Variants in CHN2 observed in about 807,000 individuals in gnomAD.
CHN2 encodes the protein beta-chimaerin.
Under a neutral mutation model 56.3 loss-of-function variants are expected in CHN2, and 35 were observed. The observed-to-expected ratio is 0.62, with a 90% CI of 0.47 to 0.82. CHN2 has a LOEUF of 0.82. Ranked by LOEUF, CHN2 falls within the 40% of genes least tolerant of loss-of-function variation. The pLI is 0.00. For synonymous variants in CHN2, 210 were observed against 212.8 expected (o/e 0.99, Z 0.12); for missense variants, 491 against 580.5 (o/e 0.85, Z 1.58).
chr7:29,182,273 G>A (rs1205190073), intron 2 of CHN2, among the ~76,000 whole-genome samples: 6 of 152,240 alleles, frequency 3.9e-5, no homozygotes, highest in African/African-American at 1.4e-4. Flanking sequence ...GGTTAGCAGT[G>A]GTGGAATCTT....
intron 1 of CHN2, among the ~76,000 whole-genome samples, chr7:29,351,720 C>T (rs964898085): frequency 3.9e-5 from 6 of 152,182 alleles, no homozygotes; most frequent in African/African-American, 9.6e-5. Flanking sequence ...GAGAGAAAGC[C>T]AGTGTAGTTG....
At chr7:29,250,074 A>G (rs1342850733) in intron 1 of CHN2, among the ~76,000 whole-genome samples, 1 of 152,188 alleles carries the variant, frequency 6.6e-6, no homozygotes, top group African/African-American at 2.4e-5. Flanking sequence ...ATCTGCAACT[A>G]TGTTGTCTGT....
chr7:29,219,776 T>C (rs1486425867), intron 1 of CHN2, among the ~76,000 whole-genome samples: 2 of 152,168 alleles, frequency 1.3e-5, no homozygotes, highest in Non-Finnish European at 2.9e-5. Flanking sequence ...GGGATATTTG[T>C]TAATGATAAA....
At chr7:29,394,487 C>G (rs963104212) in intron 4 of CHN2, among the ~76,000 whole-genome samples, 1 of 152,310 alleles carries the variant, frequency 6.6e-6, no homozygotes, top group South Asian at 2.1e-4. Context: ...CTCTTATTCC[C>G]TTACCCGTCA....
At chr7:29,400,948 C>G (rs1488191821) in intron 6 of CHN2, 120 bp downstream of exon 6, 2 of 1,004,208 alleles carry the variant, frequency 2.0e-6, no homozygotes, top group Non-Finnish European at 2.9e-6. Flanking sequence ...CCGAAGAACT[C>G]TAGAATGTTA....
chr7:29,328,614 C>T (rs936294250), intron 1 of CHN2, among the ~76,000 whole-genome samples: 2 of 151,288 alleles, frequency 1.3e-5, no homozygotes, highest in Non-Finnish European at 1.5e-5. Flanking sequence ...AGGAAAAAAA[C>T]CTTCACTCTT....
intron 1 of CHN2, among the ~76,000 whole-genome samples, chr7:29,211,489 C>G (rs904786114): frequency 1.3e-5 from 2 of 150,074 alleles, no homozygotes; most frequent in African/African-American, 5.0e-5. Flanking sequence ...CACACACACA[C>G]ACACAGAAAC....
At chr7:29,223,869 TC>T (rs1435855566) in intron 1 of CHN2, among the ~76,000 whole-genome samples, 1 of 152,182 alleles carries the variant, frequency 6.6e-6, no homozygotes, top group African/African-American at 2.4e-5. Context: ...AGTTTGCCCT[TC>T]CACCAGCAGT....
intron 1 of CHN2, among the ~76,000 whole-genome samples, chr7:29,213,757 C>A (rs1454861068): frequency 6.6e-6 from 1 of 152,080 alleles, no homozygotes; most frequent in Non-Finnish European, 1.5e-5. Context: ...CTTGTATTTA[C>A]TGCATCATGA....
intron 12 of CHN2, 40 bp downstream of exon 12, chr7:29,509,446 A>G: frequency 6.6e-7 from 1 of 1,512,840 alleles, no homozygotes; most frequent in Non-Finnish European, 9.2e-7. Flanking sequence ...CTCTGCTCCT[A>G]GAGCGGTTAA....
chr7:29,283,906 C>T (rs59639215), intron 1 of CHN2, among the ~76,000 whole-genome samples: 42,267 of 145,296 alleles, frequency 0.29, 6,298 homozygotes, highest in Middle Eastern at 0.43. Context: ...CAGGAGCCAC[C>T]GTTCCCAGCC....
At chr7:29,151,161 C>T (rs1290822623) in intron 2 of CHN2, among the ~76,000 whole-genome samples, 1 of 152,178 alleles carries the variant, frequency 6.6e-6, no homozygotes, top group Non-Finnish European at 1.5e-5. Flanking sequence ...TAAGACTAGC[C>T]ACAGGCTACA....
At chr7:29,488,805 C>T (rs1355247910) in intron 7 of CHN2, among the ~76,000 whole-genome samples, 1 of 152,084 alleles carries the variant, frequency 6.6e-6, no homozygotes, top group Non-Finnish European at 1.5e-5. Context: ...GCCAAACATC[C>T]CACAATGTAC....
At chr7:29,439,011 A>G (rs1286005463) in intron 6 of CHN2, among the ~76,000 whole-genome samples, 2 of 152,202 alleles carry the variant, frequency 1.3e-5, no homozygotes, top group African/African-American at 4.8e-5. Context: ...CCTCATATCT[A>G]TCAGAGGGCT....
At chr7:29,184,526 A>G (rs1432470349) in intron 2 of CHN2, 2 of 152,172 alleles carry the variant, frequency 1.3e-5, no homozygotes, top group African/African-American at 2.4e-5. Context: ...AACCCCAGGA[A>G]GAGCCAATGT....
intron 1 of CHN2, among the ~76,000 whole-genome samples, chr7:29,263,734 TG>T (rs1789797908): frequency 6.7e-6 from 1 of 148,644 alleles, no homozygotes; most frequent in African/African-American, 2.5e-5. Flanking sequence ...ATCTGGGATG[TG>T]GGGAGCGCCT....
intron 2 of CHN2, among the ~76,000 whole-genome samples, chr7:29,188,910 T>C (rs1408697676): frequency 3.3e-5 from 5 of 151,716 alleles, no homozygotes; most frequent in African/African-American, 9.7e-5. Context: ...GGTTGTTTTG[T>C]AGGATCCCCC....
intron 6 of CHN2, among the ~76,000 whole-genome samples, chr7:29,424,795 G>A (rs1304908049): frequency 6.6e-6 from 1 of 152,110 alleles, no homozygotes. Context: ...CCTTCAGATG[G>A]GGCAGGTGCT....
chr7:29,337,048 T>C (rs1796681391), intron 1 of CHN2, among the ~76,000 whole-genome samples: 1 of 152,116 alleles, frequency 6.6e-6, no homozygotes, highest in South Asian at 2.1e-4. Flanking sequence ...CTCTGCTTGC[T>C]TCCCCTCTAG....
Sources: gnomAD v4.1 joint callset for allele counts (sites outside exome capture counted in the v4.1 genomes callset) on GRCh38, gnomAD v4.1.1 for gene constraint, MANE v1.5 for transcripts, NCBI Gene and HGNC (gene_info 2026-07-23, HGNC 2026-07-21) for gene names.